Variants in MAX observed in about 807,000 individuals in gnomAD.
MAX encodes the protein protein max.
Under a neutral mutation model 22.3 loss-of-function variants are expected in MAX, and 3 were observed. That is an observed-to-expected ratio of 0.13 (90% CI 0.06 to 0.35). The LOEUF is 0.35. MAX is among the 10% of genes least tolerant of loss of function. The probability of loss-of-function intolerance (pLI) is 1.00; values close to 1 mark genes in which losing one functional copy is unlikely to be tolerated. For missense variants in MAX, 119 were observed against 209.4 expected (o/e 0.57, Z 2.66); for synonymous variants, 72 against 77.7 (o/e 0.93, Z 0.39).
chr14:65,037,413 T>C lies in MAX; in HGVS notation c.172-31129A>G, dbSNP rs1344727332. 1.1e-3 allele frequency among the ~76,000 whole-genome samples: 99 copies of C among 88,448 alleles called. 1 individual carries two copies. The highest frequency in any genetic ancestry group is 1.6e-3 in the Non-Finnish European group (79 of 48,674). The allele number at this position is 88,448 out of a possible 152,430, so 58.0% of individuals were successfully genotyped here. ...CCACCACGCCGGGCCCTTTTTTTTT[T>C]TTTTTTTTTTTTTTTTTTTTTTTTT... is the stretch of plus-strand genomic sequence containing the variant. On this transcript the variant is annotated intron_variant, in intron 3 of 3. Transcript: ENST00000341653.
Position 65,032,798 on chromosome 14 carries a change from A to G in MAX, c.172-26514T>C. 1 of 1,145,778 alleles carries G rather than the reference A, an allele frequency of 8.7e-7. No homozygotes were observed. The highest frequency in any genetic ancestry group is 1.2e-6 in the Non-Finnish European group (1 of 826,442). 71.0% of individuals were successfully genotyped at this position (1,145,778 alleles called of 1,614,324 possible). A position where few individuals can be genotyped will look rare whatever the true frequency, so the allele number is the denominator to read the frequency against. ...TGCAGAGGGACTTGGAAGGAAATAC[A>G]AAAATCACAGGAGATCCATTAGGGT... On this transcript the variant is annotated intron_variant, in intron 3 of 3. Coordinates refer to the MAX transcript ENST00000341653. The surrounding 1 kb of genome is among the most constrained non-coding windows in gnomAD (Gnocchi z 5.0).
chr14:65,058,308 T>C (rs2062787801), intron 3 of MAX, among the ~76,000 whole-genome samples: 1 of 152,140 alleles, frequency 6.6e-6, no homozygotes, highest in African/African-American at 2.4e-5. Flanking sequence ...TCATGTCTCT[T>C]GTGACTGGAA....
At chr14:65,055,492 T>C (rs550406056) in intron 3 of MAX, among the ~76,000 whole-genome samples, 4 of 152,304 alleles carry the variant, frequency 2.6e-5, no homozygotes, top group African/African-American at 9.6e-5. Flanking sequence ...CCTTCCTTTT[T>C]TGTTTAAAAA....
intron 3 of MAX, among the ~76,000 whole-genome samples, chr14:65,083,152 C>T (rs1472986170): frequency 6.6e-6 from 1 of 152,182 alleles, no homozygotes; most frequent in African/African-American, 2.4e-5. Flanking sequence ...CCTCCCAAGG[C>T]AGTAAGCAGA....
chr14:65,010,277 C>T (rs73268767), intron 3 of MAX, among the ~76,000 whole-genome samples: 5 of 152,228 alleles, frequency 3.3e-5, no homozygotes, highest in Non-Finnish European at 7.3e-5. Context: ...GGTCTTCCCA[C>T]AGTTTTGTTT....
rs752570490 is a variant in MAX at position 65,044,492 on chromosome 14, A to G, written c.172-38208T>C. The G allele has an allele frequency of 2.6e-6, 4 of 1,568,104 alleles. No individual in the cohort carries two copies. The highest frequency in any genetic ancestry group is 2.4e-5 in the South Asian group (2 of 83,756). The stretch of plus-strand genomic sequence containing the variant: ...TGGGGCTGGATGATTTCCCTCCACT[A>G]CTCACAAAGTCTGGAAGCCCAGCGT... On this transcript the variant is annotated intron_variant, in intron 3 of 3. Coordinates refer to the MAX transcript ENST00000341653. The surrounding 1 kb of genome is among the most constrained non-coding windows in gnomAD (Gnocchi z 5.5).
In MAX at chr14:65,022,274, CT is replaced by C. The variant is rs878889324; in HGVS notation, c.172-15991del. ...CTGTTCCTATTTCCAAAGCTGTAAT[CT>C]TTTTTTCTGTTTTTTTTTTTTTAAA... is the stretch of plus-strand genomic sequence containing the variant. On this transcript the variant is annotated intron_variant, in intron 3 of 3. Coordinates refer to the MAX transcript ENST00000341653. 2.7e-3 allele frequency: 812 copies of C among 305,940 alleles called. 20 individuals carry two copies. The highest frequency in any genetic ancestry group is 0.019 in the South Asian group (734 of 37,782). 19.0% of individuals were successfully genotyped at this position (305,940 alleles called of 1,614,324 possible).
At chr14:65,051,027 A>G (rs1198110661) in intron 3 of MAX, among the ~76,000 whole-genome samples, 1 of 152,240 alleles carries the variant, frequency 6.6e-6, no homozygotes, top group African/African-American at 2.4e-5. Context: ...GGTGAGGAAA[A>G]GAAAGGAAGG....
At chr14:65,052,229 T>C (rs1416805776) in intron 3 of MAX, among the ~76,000 whole-genome samples, 1 of 152,182 alleles carries the variant, frequency 6.6e-6, no homozygotes, top group Non-Finnish European at 1.5e-5. Flanking sequence ...GATTATGTAA[T>C]AGAATAGAAA....
intron 3 of MAX, among the ~76,000 whole-genome samples, chr14:65,019,284 C>T (rs1331700848): frequency 1.3e-5 from 2 of 151,860 alleles, no homozygotes; most frequent in Non-Finnish European, 2.9e-5. Flanking sequence ...GTCAGGAGTT[C>T]GAGACCAGTC....
Position 65,076,755 on chromosome 14 carries a change from G to A in MAX, c.296-92C>T. On this transcript the variant is annotated intron_variant, in intron 4 of 4. Transcript: ENST00000358664. This position sits in a 1 kb window ranked among gnomAD's most constrained non-coding sequence, Gnocchi z 6.6. ...TCAGGGTCCAGCCTGTTCTTCCTAA[G>A]GGCTTGCTTGTTGGCCCCCGAGGCT... 2 of 1,514,472 alleles carry A rather than the reference G, an allele frequency of 1.3e-6. No individual in the cohort carries two copies. Among genetic ancestry groups the A allele is most frequent in the Non-Finnish European group, 1.8e-6 (2 of 1,090,938 alleles). 93.8% of individuals were successfully genotyped at this position (1,514,472 alleles called of 1,614,324 possible). A position where few individuals can be genotyped will look rare whatever the true frequency, so the allele number is the denominator to read the frequency against.
In MAX at chr14:65,014,675, A is replaced by G. The variant is rs532337810; in HGVS notation, c.172-8391T>C. 8.5e-5 allele frequency among the ~76,000 whole-genome samples: 13 copies of G among 152,246 alleles called. No individual in the cohort carries two copies. In the South Asian group the frequency reaches 2.7e-3, roughly 32 times the overall value. ...TAAAAACTTAAAAAATTAGCCAGGCATAGTGGTGTGTGCCCGTAGTCCCAG... is the reference window on the plus strand; with the variant it reads ...TAAAAACTTAAAAAATTAGCCAGGCGTAGTGGTGTGTGCCCGTAGTCCCAG... On this transcript the variant is annotated intron_variant, in intron 3 of 3. Coordinates refer to the MAX transcript ENST00000341653. This position sits in a 1 kb window ranked among gnomAD's most constrained non-coding sequence, Gnocchi z 5.1.
rs553021820 is a variant in MAX at position 65,060,552 on chromosome 14, C to T, written c.171+33156G>A. 1.5e-3 allele frequency among the ~76,000 whole-genome samples: 197 copies of T among 127,484 alleles called. 20 individuals are homozygous for T. Among genetic ancestry groups the T allele is most frequent in the South Asian group, 9.7e-3 (38 of 3,926 alleles). 83.6% of individuals were successfully genotyped at this position (127,484 alleles called of 152,430 possible). ...TCTACTAAAAATACAAAAAATTAGC[C>T]GGGCGTAGTGGCGGGCGCCTGTAGT... On this transcript the variant is annotated intron_variant, in intron 3 of 3. Coordinates refer to the MAX transcript ENST00000341653.
chr14:65,032,405 C>A lies in MAX; in HGVS notation c.172-26121G>T, dbSNP rs145459202. 894 of 472,644 alleles carry A rather than the reference C, an allele frequency of 1.9e-3. 1 individual carries two copies. The highest frequency in any genetic ancestry group is 2.8e-3 in the Non-Finnish European group (749 of 268,192). The allele number at this position is 472,644 out of a possible 1,614,324, so 29.3% of individuals were successfully genotyped here. On this transcript the variant is annotated intron_variant, in intron 3 of 3. Transcript: ENST00000341653. The surrounding 1 kb of genome is among the most constrained non-coding windows in gnomAD (Gnocchi z 5.0). Reference sequence around the variant, plus strand: ...GAGAATAGAATGTCATGTTCTTTCACTGAAGCCATGCCGTGAGCAACTCTA... The same window carrying A: ...GAGAATAGAATGTCATGTTCTTTCAATGAAGCCATGCCGTGAGCAACTCTA...
In MAX at chr14:65,037,741, A is replaced by ATTTATTTT. The variant is rs372196330; in HGVS notation, c.172-31458_172-31457insAAAATAAA. ...TGCCCAGCCTCTTATTTATTTATTT[A>ATTTATTTT]TTATTTATTTATTTATTTATTTATT... On this transcript the variant is annotated intron_variant, in intron 3 of 3. Coordinates refer to the MAX transcript ENST00000341653. 3.2e-3 allele frequency among the ~76,000 whole-genome samples: 424 copies of ATTTATTTT among 132,716 alleles called. 8 individuals carry two copies. Among genetic ancestry groups the ATTTATTTT allele is most frequent in the Non-Finnish European group, 4.0e-3 (254 of 63,378 alleles). 87.1% of individuals were successfully genotyped at this position (132,716 alleles called of 152,430 possible). A position where few individuals can be genotyped will look rare whatever the true frequency, so the allele number is the denominator to read the frequency against.
chr14:65,018,422 C>T lies in MAX; in HGVS notation c.172-12138G>A, dbSNP rs546325763. Among the ~76,000 whole-genome samples the T allele has an allele frequency of 9.0e-4, 137 of 152,268 alleles. 7 individuals are homozygous for T. In the South Asian group the frequency reaches 0.024, roughly 26 times the overall value. On this transcript the variant is annotated intron_variant, in intron 3 of 3. Coordinates refer to the MAX transcript ENST00000341653. ...AAAATAGTTTAAAAGATTTAATTTA[C>T]ATACATTAAAAATATAGATGATGAT...
At chr14:65,035,871 G>A (rs143350720) in intron 3 of MAX, among the ~76,000 whole-genome samples, 2 of 150,328 alleles carry the variant, frequency 1.3e-5, no homozygotes, top group African/African-American at 2.5e-5. Flanking sequence ...CTTGCTTGTT[G>A]CCCTGGCTGG....
chr14:65,007,974 A>G lies in MAX; in HGVS notation c.172-1690T>C. ...AGAATACTCTGAGTTAAAGTCCTCA[A>G]AGCAGGTCTCTCACAGGCACCAGCT... is the stretch of plus-strand genomic sequence containing the variant. On this transcript the variant is annotated intron_variant, in intron 3 of 3. Transcript: ENST00000341653. The surrounding 1 kb of genome is among the most constrained non-coding windows in gnomAD (Gnocchi z 4.9). 6.6e-6 allele frequency among the ~76,000 whole-genome samples: 1 copy of G among 152,170 alleles called. No individual in the cohort carries two copies. The highest frequency in any genetic ancestry group is 2.1e-4 in the South Asian group (1 of 4,832).
chr14:65,097,715 A>G (rs1033042124), intron 2 of MAX, among the ~76,000 whole-genome samples: 1 of 152,240 alleles, frequency 6.6e-6, no homozygotes, highest in African/African-American at 2.4e-5. Context: ...ATCCGAAAAG[A>G]TCTATTTCTT....
Sources: allele counts gnomAD v4.1 joint callset (sites outside exome capture counted in the v4.1 genomes callset), GRCh38; gene constraint gnomAD v4.1.1; non-coding constraint Gnocchi (gnomAD v3.1); transcripts MANE v1.5; gene names NCBI Gene and HGNC (gene_info 2026-07-23, HGNC 2026-07-21).